Variants in CAMTA1 observed in about 807,000 individuals in gnomAD.
CAMTA1 encodes the protein calmodulin binding transcription activator 1.
In CAMTA1, 27 loss-of-function variants were observed where a neutral mutation model predicts 170.9. That is an observed-to-expected ratio of 0.16 (90% CI 0.12 to 0.22). The LOEUF is 0.22. CAMTA1 is among the 10% of genes least tolerant of loss of function. The pLI, the probability that CAMTA1 is intolerant of heterozygous loss-of-function variation, is 1.00. For missense variants in CAMTA1, 1,619 were observed against 2,217.2 expected, an observed-to-expected ratio of 0.73 and a Z score of 5.42; for synonymous variants, 833 against 891.5, an observed-to-expected ratio of 0.93 and a Z score of 1.17.
At position 7,251,072 on chromosome 1, in the gene CAMTA1, C is replaced by T. The variant is rs113341504; in HGVS notation, c.438+1446C>T. 0.012 allele frequency among the ~76,000 whole-genome samples: 1,902 copies of T among 152,228 alleles called. 38 individuals carry two copies. The highest frequency in any genetic ancestry group is 0.043 in the African/African-American group (1,786 of 41,508). On this transcript the variant is annotated intron_variant, in intron 5 of 22. Coordinates refer to ENST00000303635, the MANE Select transcript of CAMTA1 (RefSeq NM_015215.4). This position sits in a 1 kb window ranked among gnomAD's most constrained non-coding sequence, Gnocchi z 5.1. Reference sequence around the variant, plus strand: ...GGGGCCCCCGAACAACGAGGCTGCTCGCACCGGGAGTAATAGGGCTGCGGG... The same window carrying T: ...GGGGCCCCCGAACAACGAGGCTGCTTGCACCGGGAGTAATAGGGCTGCGGG...
rs748260548 is a variant in CAMTA1, at chr1:7,293,037, A to G, written c.438+43411A>G. On this transcript the variant is annotated intron_variant, in intron 5 of 22. Coordinates refer to ENST00000303635, the MANE Select transcript of CAMTA1 (RefSeq NM_015215.4). This position sits in a 1 kb window ranked among gnomAD's most constrained non-coding sequence, Gnocchi z 4.1. ...GGGAAGAACCACCCTAGGAAGTGGC[A>G]AGCTCCGGCGGGGTGTCCTACTCCC... 2.6e-4 allele frequency among the ~76,000 whole-genome samples: 40 copies of G among 152,152 alleles called. No individual in the cohort carries two copies. The highest frequency in any genetic ancestry group is 4.7e-4 in the Non-Finnish European group (32 of 68,002).
At chr1:7,675,996 G>A (rs756411213) in intron 10 of CAMTA1, among the ~76,000 whole-genome samples, 3 of 152,362 alleles carry the variant, frequency 2.0e-5, no homozygotes, top group South Asian at 2.1e-4. Context: ...CAGTTGAAGA[G>A]GCCATCCCCC....
In CAMTA1 at chr1:7,639,841, G is replaced by A. The variant is rs570630727; in HGVS notation, c.511-559G>A. Among the ~76,000 whole-genome samples the A allele has an allele frequency of 9.9e-5, 15 of 152,280 alleles. No individual in the cohort carries two copies. In the South Asian group the frequency reaches 2.9e-3, roughly 29 times the overall value. ...GAGAAGACCACGGCTGAAGGCAGAG[G>A]GGCTCCAGCCCTCAGCAGGAGGAGC... On this transcript the variant is annotated intron_variant, in intron 6 of 22. Coordinates refer to ENST00000303635, the MANE Select transcript of CAMTA1 (RefSeq NM_015215.4).
Position 7,718,875 on chromosome 1 carries a change from C to G in CAMTA1, c.2915-13573C>G, listed in dbSNP as rs1239012740. On this transcript the variant is annotated intron_variant, in intron 11 of 22. Coordinates refer to ENST00000303635, the MANE Select transcript of CAMTA1 (RefSeq NM_015215.4). ...GCCCTTTTTTTTTTTTTTTTAAAGA[C>G]CTCATTAGTCTTAGGAGTAATACGC... 3.2e-5 allele frequency among the ~76,000 whole-genome samples: 3 copies of G among 93,154 alleles called. No individual in the cohort carries two copies. In the East Asian group the frequency reaches 8.7e-4, roughly 27 times the overall value. 61.1% of individuals were successfully genotyped at this position (93,154 alleles called of 152,430 possible).
chr1:7,447,617 G>A (rs2092712726), intron 5 of CAMTA1, among the ~76,000 whole-genome samples: 1 of 152,136 alleles, frequency 6.6e-6, no homozygotes, highest in African/African-American at 2.4e-5. Context: ...CCTCCCTGGG[G>A]CTCAGGACTC....
rs185407214 is a variant in CAMTA1 at position 7,173,880 on chromosome 1, G to T, written c.303-75611G>T. Reference sequence around the variant, plus strand: ...CAAAAAGGCCCAGTGGAACCCAGGGGACCCACAGGGACTCAACAGGACCCA... The same window carrying T: ...CAAAAAGGCCCAGTGGAACCCAGGGTACCCACAGGGACTCAACAGGACCCA... On this transcript the variant is annotated intron_variant, in intron 4 of 22. Transcript: ENST00000303635. This position sits in a 1 kb window ranked among gnomAD's most constrained non-coding sequence, Gnocchi z 5.4. Among the ~76,000 whole-genome samples, 560 of 152,040 alleles carry T rather than the reference G, an allele frequency of 3.7e-3. 1 individual carries two copies. The highest frequency in any genetic ancestry group is 6.6e-3 in the Non-Finnish European group (447 of 67,976).
At chr1:7,222,344 G>A (rs1033387174) in intron 4 of CAMTA1, among the ~76,000 whole-genome samples, 1 of 152,206 alleles carries the variant, frequency 6.6e-6, no homozygotes, top group Non-Finnish European at 1.5e-5. Context: ...CTGTCTCAAT[G>A]CACCTGCGGG....
intron 3 of CAMTA1, among the ~76,000 whole-genome samples, chr1:6,900,439 T>C (rs745599959): frequency 5.3e-5 from 8 of 151,608 alleles, no homozygotes; most frequent in Non-Finnish European, 1.2e-4. Flanking sequence ...TTGGACACTT[T>C]CTAATAATTG....
intron 3 of CAMTA1, among the ~76,000 whole-genome samples, chr1:6,911,358 T>C (rs1571632889): frequency 6.6e-6 from 1 of 152,104 alleles, no homozygotes; most frequent in Non-Finnish European, 1.5e-5. Context: ...CCTGTGACCT[T>C]GTGGGGGATG....
rs1053397824 is a variant in CAMTA1, at chr1:6,965,666, C to G, written c.235-125638C>G. On this transcript the variant is annotated intron_variant, in intron 3 of 22. Coordinates refer to ENST00000303635, the MANE Select transcript of CAMTA1 (RefSeq NM_015215.4). The surrounding 1 kb of genome is among the most constrained non-coding windows in gnomAD (Gnocchi z 4.1). ...AAGTCCTGACAACAAGTAAAGAAAACTTAGCTGGCAATAAAATAAGGGACT... is the reference window on the plus strand; with the variant it reads ...AAGTCCTGACAACAAGTAAAGAAAAGTTAGCTGGCAATAAAATAAGGGACT... Among the ~76,000 whole-genome samples, 1 of 152,152 alleles carries G rather than the reference C, an allele frequency of 6.6e-6. No individual in the cohort carries two copies. Among genetic ancestry groups the G allele is most frequent in the African/African-American group, 2.4e-5 (1 of 41,428 alleles).
At chr1:7,149,622 C>T (rs574207818) in intron 4 of CAMTA1, among the ~76,000 whole-genome samples, 4 of 152,258 alleles carry the variant, frequency 2.6e-5, no homozygotes, top group East Asian at 3.9e-4. Context: ...GTTGGCGATG[C>T]GAGTTTTTAG....
At chr1:6,874,827 G>C (rs747442470) in intron 3 of CAMTA1, among the ~76,000 whole-genome samples, 3 of 152,126 alleles carry the variant, frequency 2.0e-5, no homozygotes, top group African/African-American at 7.2e-5. Context: ...AGCCTTTCTC[G>C]TTCCCTTTTA....
rs1460782565 is a variant in CAMTA1 at position 7,622,126 on chromosome 1, T to C, written c.511-18274T>C. On this transcript the variant is annotated intron_variant, in intron 6 of 22. Transcript: ENST00000303635. The stretch of plus-strand genomic sequence containing the variant: ...AGGAGGAGGAAGCGGAGATTGGTTT[T>C]GCTCGTTAACTCATTATCAGTGACT... Among the ~76,000 whole-genome samples, 12 of 152,228 alleles carry C rather than the reference T, an allele frequency of 7.9e-5. 1 individual carries two copies. Among genetic ancestry groups the C allele is most frequent in the Admixed American group, 7.9e-4 (12 of 15,284 alleles).
intron 3 of CAMTA1, among the ~76,000 whole-genome samples, chr1:6,879,871 C>T (rs1471308621): frequency 1.3e-5 from 2 of 150,954 alleles, no homozygotes; most frequent in African/African-American, 4.9e-5. Context: ...AAGTGTTCCT[C>T]CTGCCTTGGC....
intron 5 of CAMTA1, among the ~76,000 whole-genome samples, chr1:7,322,471 T>C (rs924752619): frequency 6.6e-6 from 1 of 152,266 alleles, no homozygotes; most frequent in Non-Finnish European, 1.5e-5. Context: ...CGTGTGGCTA[T>C]GTTCTAATAA....
chr1:7,690,354 G>A (rs2096296991), intron 11 of CAMTA1, among the ~76,000 whole-genome samples: 1 of 150,224 alleles, frequency 6.7e-6, no homozygotes, highest in African/African-American at 2.4e-5. Flanking sequence ...CCCTCATGCA[G>A]AAGGACCAGT....
At chr1:6,990,801 C>T (rs527360401) in intron 3 of CAMTA1, among the ~76,000 whole-genome samples, 1 of 130,206 alleles carries the variant, frequency 7.7e-6, no homozygotes, top group Admixed American at 7.7e-5. Context: ...CTCTCTCTCT[C>T]TCTCTATATA....
intron 5 of CAMTA1, among the ~76,000 whole-genome samples, chr1:7,298,116 G>T (rs1273880866): frequency 6.6e-6 from 1 of 152,128 alleles, no homozygotes; most frequent in East Asian, 1.9e-4. Context: ...TTTTAGGCTG[G>T]TATCTGTCTG....
At chr1:6,802,105 A>G (rs922239950) in intron 1 of CAMTA1, among the ~76,000 whole-genome samples, 3 of 152,190 alleles carry the variant, frequency 2.0e-5, no homozygotes, top group Non-Finnish European at 4.4e-5. Flanking sequence ...AGCAGAAGCA[A>G]TCGTAGCCTC....
Sources: allele counts gnomAD v4.1 joint callset (sites outside exome capture counted in the v4.1 genomes callset), GRCh38; gene constraint gnomAD v4.1.1; non-coding constraint Gnocchi (gnomAD v3.1); transcripts MANE v1.5; gene names NCBI Gene and HGNC (gene_info 2026-07-23, HGNC 2026-07-21).